The following DIP2A variants were observed in gnomAD, a reference collection of about 807,000 sequenced individuals.
DIP2A encodes disco-interacting protein 2 homolog A.
In DIP2A, 85 loss-of-function variants were observed where a neutral mutation model predicts 177.4. That is an observed-to-expected ratio of 0.48 (90% CI 0.40 to 0.57). The LOEUF (loss-of-function observed/expected upper bound fraction) is 0.57, where lower values mean the gene tolerates loss of function less well. Ranked by LOEUF, DIP2A falls within the 20% of genes least tolerant of loss-of-function variation. DIP2A has a pLI of 0.00. For missense variants in DIP2A, 1,791 were observed against 2,100.2 expected (o/e 0.85, Z 2.88); for synonymous variants, 886 against 881.8 (o/e 1.00, Z -0.08).
At chr21:46,494,868 G>A (rs1287386581) in intron 3 of DIP2A, among the ~76,000 whole-genome samples, 1 of 152,132 alleles carries the variant, frequency 6.6e-6, no homozygotes, top group Non-Finnish European at 1.5e-5. Context: ...TGGCTGTTAG[G>A]ATAAGAAGTT....
chr21:46,557,829 C>T lies in DIP2A; in HGVS notation c.3798+76C>T. On this transcript the variant is annotated intron_variant, in intron 31 of 37. Coordinates refer to ENST00000417564, the MANE Select transcript of DIP2A (RefSeq NM_015151.4). This position sits in a 1 kb window ranked among gnomAD's most constrained non-coding sequence, Gnocchi z 6.0. ...GAAGTTTAAAAACAACAAAACAAAACAAGACTCCCAAGGCCCCTCCCTGCA... is the reference window on the plus strand; with the variant it reads ...GAAGTTTAAAAACAACAAAACAAAATAAGACTCCCAAGGCCCCTCCCTGCA... 1 of 1,498,624 alleles carries T rather than the reference C, an allele frequency of 6.7e-7. No individual in the cohort carries two copies. The allele number at this position is 1,498,624 out of a possible 1,614,324, so 92.8% of individuals were successfully genotyped here. A position where few individuals can be genotyped will look rare whatever the true frequency, so the allele number is the denominator to read the frequency against.
intron 12 of DIP2A, 117 bp from the exon 13 acceptor site, chr21:46,534,468 G>A (rs547711535): frequency 3.7e-5 from 37 of 997,932 alleles, no homozygotes; most frequent in South Asian, 2.8e-4. Context: ...GTTAGAGGCC[G>A]ATGGTTAGAG....
intron 7 of DIP2A, 53 bp downstream of exon 7, chr21:46,509,429 G>A (rs977210298): frequency 5.8e-6 from 9 of 1,559,954 alleles, no homozygotes; most frequent in South Asian, 2.4e-5. Context: ...GGGTGGCCAC[G>A]AAGTTGAGAA....
At chr21:46,551,433 G>GC (rs1434155710) in intron 23 of DIP2A, among the ~76,000 whole-genome samples, 1 of 151,266 alleles carries the variant, frequency 6.6e-6, no homozygotes, top group Non-Finnish European at 1.5e-5. Context: ...TCTCAATAAG[G>GC]CGTAGTTTAT....
chr21:46,495,249 TC>T (rs754241555), intron 3 of DIP2A, among the ~76,000 whole-genome samples: 29 of 89,780 alleles, frequency 3.2e-4, no homozygotes, highest in African/African-American at 1.9e-3. Flanking sequence ...CTTCTTTCTC[TC>T]TCTCTCTCTC....
rs181050905 is a variant in DIP2A, at chr21:46,518,787, G to A, written c.1102+7173G>A. Reference sequence around the variant, plus strand: ...CATGAGAATTGCTTGAACCCAGGAGGTGGAGGTTACAGTGAGCCAAGATTG... The same window carrying A: ...CATGAGAATTGCTTGAACCCAGGAGATGGAGGTTACAGTGAGCCAAGATTG... On this transcript the variant is annotated intron_variant, in intron 8 of 37. Coordinates refer to ENST00000417564, the MANE Select transcript of DIP2A (RefSeq NM_015151.4). Among the ~76,000 whole-genome samples, 8 of 152,350 alleles carry A rather than the reference G, an allele frequency of 5.3e-5. No homozygotes were observed. In the East Asian group the frequency reaches 1.4e-3, roughly 26 times the overall value.
At chr21:46,514,932 G>C (rs1208507679) in intron 8 of DIP2A, among the ~76,000 whole-genome samples, 1 of 151,904 alleles carries the variant, frequency 6.6e-6, no homozygotes, top group Non-Finnish European at 1.5e-5. Context: ...CATTAATTTG[G>C]TGAATTATTT....
rs769044620 is a variant in DIP2A, at chr21:46,537,430, G to T, written c.1708-16G>T. 1.2e-6 allele frequency: 2 copies of T among 1,613,926 alleles called. No homozygotes were observed. Among genetic ancestry groups the T allele is most frequent in the Middle Eastern group, 1.7e-4 (1 of 6,060 alleles). On this transcript the variant is annotated splice_polypyrimidine_tract_variant and intron_variant, in intron 14 of 37. Coordinates refer to ENST00000417564, the MANE Select transcript of DIP2A (RefSeq NM_015151.4). This position sits in a 1 kb window ranked among gnomAD's most constrained non-coding sequence, Gnocchi z 4.1. ...GCTCGGGCCCACTCGCCCTAAGCATGTGTGCTCCCCCACAGAGCGTCATGA... is the reference window on the plus strand; with the variant it reads ...GCTCGGGCCCACTCGCCCTAAGCATTTGTGCTCCCCCACAGAGCGTCATGA...
intron 1 of DIP2A, among the ~76,000 whole-genome samples, chr21:46,461,271 CAAAAAA>C (rs60346777): frequency 8.1e-5 from 4 of 49,322 alleles, no homozygotes; most frequent in Admixed American, 3.2e-4. Context: ...CTCTTCTCAC[CAAAAAA>C]AAAAAAAAAA....
intron 1 of DIP2A, among the ~76,000 whole-genome samples, chr21:46,461,356 CTTAAA>C (rs1238827272): frequency 6.9e-6 from 1 of 144,258 alleles, no homozygotes; most frequent in South Asian, 2.4e-4. Context: ...GTCTGACAAA[CTTAAA>C]TTAGGAATGG....
rs2148895543 is a variant in DIP2A at position 46,557,669 on chromosome 21, G to A, written c.3714G>A (p.Gln1238=). ...CCCTGTGGCTGTCGGCCGTCAGCCA[G>A]TACAAGGCCCGCGTCACCTTCTGCT... ...NVSLWLSAVS[Q]YKARVTFCSY... is the part of the protein sequence containing the mutation. Residue 1238 remains glutamine (Q), a synonymous_variant, in exon 31 of 38, where the codon CAG becomes CAA. Coordinates refer to ENST00000417564, the MANE Select transcript of DIP2A (RefSeq NM_015151.4). The surrounding 1 kb of genome is among the most constrained non-coding windows in gnomAD (Gnocchi z 6.0). 1 of 1,613,560 alleles carries A rather than the reference G, an allele frequency of 6.2e-7. No homozygotes were observed. Among genetic ancestry groups the A allele is most frequent in the African/African-American group, 1.3e-5 (1 of 75,058 alleles).
At chr21:46,477,552 T>TGTGTGTGTGTGTGTGTGTGTGTGTGC (rs2055979584) in intron 1 of DIP2A, among the ~76,000 whole-genome samples, 1 of 131,820 alleles carries the variant, frequency 7.6e-6, no homozygotes, top group Non-Finnish European at 1.7e-5. Flanking sequence ...TTTGTGTGTG[T>TGTGTGTGTGTGTGTGTGTGTGTGTGC]GTGTGTGTGT....
intron 20 of DIP2A, 51 bp downstream of exon 20, chr21:46,546,012 G>T (rs575995880): frequency 6.2e-7 from 1 of 1,612,528 alleles, no homozygotes; most frequent in Admixed American, 1.7e-5. Context: ...GGTAGGGGGT[G>T]TGGCTAAGGG....
chr21:46,554,786 G>GCT, intron 27 of DIP2A, 36 bp from the exon 28 acceptor site: 2 of 1,519,118 alleles, frequency 1.3e-6, no homozygotes, highest in African/African-American at 1.4e-5. Context: ...AGCTTGAGAG[G>GCT]CCCCGCCCAC....
At chr21:46,477,634 C>G (rs550390169) in intron 1 of DIP2A, among the ~76,000 whole-genome samples, 3 of 147,176 alleles carry the variant, frequency 2.0e-5, no homozygotes, top group Non-Finnish European at 3.0e-5. Context: ...AGTACAGTGC[C>G]ACTATCTCGG....
chr21:46,550,864 G>T, intron 23 of DIP2A, 120 bp downstream of exon 23: 1 of 1,064,054 alleles, frequency 9.4e-7, no homozygotes. Flanking sequence ...TGGGGCTGGG[G>T]TCAAGAGCCA....
rs60346777 is a variant in DIP2A, at chr21:46,461,271, C to CAAAAAAAAAAAAAAAAAAAAA, written c.91+2051_91+2071dup. 6.1e-4 allele frequency among the ~76,000 whole-genome samples: 30 copies of CAAAAAAAAAAAAAAAAAAAAA among 49,318 alleles called. 4 individuals are homozygous for CAAAAAAAAAAAAAAAAAAAAA. The highest frequency in any genetic ancestry group is 8.2e-4 in the Non-Finnish European group (24 of 29,350). The allele number at this position is 49,318 out of a possible 152,430, so 32.4% of individuals were successfully genotyped here. A position where few individuals can be genotyped will look rare whatever the true frequency, so the allele number is the denominator to read the frequency against. Reference sequence around the variant, plus strand: ...AGAGCGAGAACCTGTCTCTTCTCACCAAAAAAAAAAAAAAAAAAAAAAGGA... The same window carrying CAAAAAAAAAAAAAAAAAAAAA: ...AGAGCGAGAACCTGTCTCTTCTCACCAAAAAAAAAAAAAAAAAAAAAAAAAAAAAAAAAAAAAAAAAAAGGA... On this transcript the variant is annotated intron_variant, in intron 1 of 37. Transcript: ENST00000417564.
intron 8 of DIP2A, among the ~76,000 whole-genome samples, chr21:46,528,070 G>A (rs917869534): frequency 1.3e-5 from 2 of 152,098 alleles, no homozygotes; most frequent in Non-Finnish European, 2.9e-5. Flanking sequence ...CTGGTTCCTG[G>A]GCCCTGTGCC....
chr21:46,477,530 TAAAA>T (rs112629039), intron 1 of DIP2A, among the ~76,000 whole-genome samples: 2 of 140,606 alleles, frequency 1.4e-5, no homozygotes, highest in Middle Eastern at 3.5e-3. Flanking sequence ...CCGCCTAAAA[TAAAA>T]AAAAAGATTT....
Sources: allele counts gnomAD v4.1 joint callset (sites outside exome capture counted in the v4.1 genomes callset), GRCh38; gene constraint gnomAD v4.1.1; non-coding constraint Gnocchi (gnomAD v3.1); transcripts MANE v1.5; gene names NCBI Gene and HGNC (gene_info 2026-07-23, HGNC 2026-07-21).